The following TRIP10 variants were observed in gnomAD, a reference collection of about 807,000 sequenced individuals.
The protein encoded by TRIP10 is cdc42-interacting protein 4.
TRIP10 carries 54 observed loss-of-function variants against 80.9 expected under a neutral mutation model. That is an observed-to-expected ratio of 0.67 (90% CI 0.54 to 0.84). TRIP10 has a LOEUF of 0.84. Among genes scored for constraint, TRIP10 ranks in the 40% least tolerant of loss-of-function variants. TRIP10 has a pLI of 0.00. For missense variants in TRIP10, 773 were observed against 815.3 expected (o/e 0.95, Z 0.63); for synonymous variants, 321 against 307.2 (o/e 1.04, Z -0.47).
intron 3 of TRIP10, 97 bp downstream of exon 3, chr19:6,741,378 C>T: frequency 7.3e-7 from 1 of 1,376,984 alleles, no homozygotes; most frequent in Admixed American, 2.0e-5. Context: ...CACCGCTCCT[C>T]TCACTTCCCC....
In TRIP10 at chr19:6,744,890, G is replaced by A; in HGVS notation, c.880G>A (p.Ala294Thr). 1 of 1,614,238 alleles carries A rather than the reference G, an allele frequency of 6.2e-7. No homozygotes were observed. The highest frequency in any genetic ancestry group is 1.1e-5 in the South Asian group (1 of 91,090). ...FEDFSQPMNR[A>T]PSDSSLGTPS... ...GGACTTCAGCCAGCCCATGAACCGTGCACCCTCCGACAGCAGTCTGGGCAC... is the reference window on the plus strand; with the variant it reads ...GGACTTCAGCCAGCCCATGAACCGTACACCCTCCGACAGCAGTCTGGGCAC... Residue 294 changes from alanine (A) to threonine (T), a missense_variant, in exon 9 of 15, where the codon GCA becomes ACA. Physicochemically the swap from Ala to Thr is moderately conservative, Grantham distance 58. Coordinates refer to ENST00000313244, the MANE Select transcript of TRIP10 (RefSeq NM_001288962.2). The surrounding 1 kb of genome is among the most constrained non-coding windows in gnomAD (Gnocchi z 4.9).
chr19:6,743,615 C>CGGGGG lies in TRIP10; in HGVS notation c.513+23_513+27dup, dbSNP rs145584075. On this transcript the variant is annotated intron_variant, in intron 6 of 14. Coordinates refer to ENST00000313244, the MANE Select transcript of TRIP10 (RefSeq NM_001288962.2). ...GTGGAGAAGGTGTGTGTGGCGGGGG[C>CGGGGG]GGGGGGGGGGTGCGGGGTCTGGGAC... 262 of 771,356 alleles carry CGGGGG rather than the reference C, an allele frequency of 3.4e-4. No homozygotes were observed. The highest frequency in any genetic ancestry group is 1.5e-3 in the Admixed American group (46 of 31,044). The allele number at this position is 771,356 out of a possible 1,614,324, so 47.8% of individuals were successfully genotyped here.
Position 6,744,013 on chromosome 19 carries a change from C to G in TRIP10, c.642+177C>G. ...TCAGCTGTTCTTCCTGCTGGGCATG[C>G]CTTTTACTTGTTTGTTTATTTACTT... On this transcript the variant is annotated intron_variant, in intron 7 of 14. Transcript: ENST00000313244. This position sits in a 1 kb window ranked among gnomAD's most constrained non-coding sequence, Gnocchi z 4.9. 2.3e-6 allele frequency: 2 copies of G among 866,686 alleles called. No individual in the cohort carries two copies. The highest frequency in any genetic ancestry group is 1.8e-5 in the South Asian group (1 of 57,120). 53.7% of individuals were successfully genotyped at this position (866,686 alleles called of 1,614,324 possible).
Position 6,745,117 on chromosome 19 carries a change from C to CT in TRIP10, c.984+124dup. 2 of 1,329,782 alleles carry CT rather than the reference C, an allele frequency of 1.5e-6. No individual in the cohort carries two copies. Among genetic ancestry groups the CT allele is most frequent in the Non-Finnish European group, 2.0e-6 (2 of 1,004,730 alleles). The allele number at this position is 1,329,782 out of a possible 1,614,324, so 82.4% of individuals were successfully genotyped here. On this transcript the variant is annotated intron_variant, in intron 9 of 14. Coordinates refer to ENST00000313244, the MANE Select transcript of TRIP10 (RefSeq NM_001288962.2). The surrounding 1 kb of genome is among the most constrained non-coding windows in gnomAD (Gnocchi z 7.2). ...TCTCGGGCAGGAATTTTCCTCTTGG[C>CT]TGCCAGCCCGGACTGGAGGGAAGGA... is the stretch of plus-strand genomic sequence containing the variant.
chr19:6,750,186 A>G (rs1393699565), intron 12 of TRIP10, 106 bp from the exon 13 acceptor site: 5 of 1,573,064 alleles, frequency 3.2e-6, no homozygotes, highest in East Asian at 4.5e-5. Flanking sequence ...GCTGTTTTCC[A>G]TCACAGCCTT....
chr19:6,751,364 TCA>T lies in TRIP10; in HGVS notation c.*157_*158del. On this transcript the variant is annotated 3_prime_UTR_variant, in exon 15 of 15. Transcript: ENST00000313244. ...TCCACCCCCAACCCAGTCCTACCTG[TCA>T]CACCGGACGGACCCGCTGTGCCTTC... 12 of 1,445,852 alleles carry T rather than the reference TCA, an allele frequency of 8.3e-6. No homozygotes were observed. Among genetic ancestry groups the T allele is most frequent in the Non-Finnish European group, 1.1e-5 (12 of 1,090,842 alleles). 89.6% of individuals were successfully genotyped at this position (1,445,852 alleles called of 1,614,324 possible). A position where few individuals can be genotyped will look rare whatever the true frequency, so the allele number is the denominator to read the frequency against.
At chr19:6,741,177 C>T (rs1474504456) in intron 2 of TRIP10, 48 bp from the exon 3 acceptor site, 1 of 1,613,204 alleles carries the variant, frequency 6.2e-7, no homozygotes, top group Non-Finnish European at 8.5e-7. Context: ...CGACGGGGAG[C>T]GGTGGGAGGG....
At position 6,751,237 on chromosome 19, in the gene TRIP10, G is replaced by T; in HGVS notation, c.*26G>T. On this transcript the variant is annotated 3_prime_UTR_variant, in exon 15 of 15. Coordinates refer to ENST00000313244, the MANE Select transcript of TRIP10 (RefSeq NM_001288962.2). The stretch of plus-strand genomic sequence containing the variant: ...ACCCTGCCAGAGACGGGAAGAGGGG[G>T]GCTGTCGGCTGCTGCTTCTGGGCCA... 6.2e-7 allele frequency: 1 copy of T among 1,613,450 alleles called. No individual in the cohort carries two copies. The highest frequency in any genetic ancestry group is 8.5e-7 in the Non-Finnish European group (1 of 1,179,868).
At chr19:6,748,434 T>C (rs924665594) in intron 11 of TRIP10, 2 of 152,228 alleles carry the variant, frequency 1.3e-5, no homozygotes, top group African/African-American at 2.4e-5. Context: ...TCTCAGGACT[T>C]GGGCAGCCTG....
chr19:6,739,719 G>T lies in TRIP10; in HGVS notation c.-43G>T. 7.8e-7 allele frequency: 1 copy of T among 1,280,534 alleles called. No homozygotes were observed. The highest frequency in any genetic ancestry group is 9.9e-7 in the Non-Finnish European group (1 of 1,005,424). 79.3% of individuals were successfully genotyped at this position (1,280,534 alleles called of 1,614,324 possible). A position where few individuals can be genotyped will look rare whatever the true frequency, so the allele number is the denominator to read the frequency against. On this transcript the variant is annotated 5_prime_UTR_variant, in exon 1 of 15. Transcript: ENST00000313244. ...AGGGCGGCGGGCGGCGGGCGGCGGGGACCGGGTGCGGTGGTGGCTGCGGCG... is the reference window on the plus strand; with the variant it reads ...AGGGCGGCGGGCGGCGGGCGGCGGGTACCGGGTGCGGTGGTGGCTGCGGCG...
intron 11 of TRIP10, among the ~76,000 whole-genome samples, chr19:6,748,123 C>T (rs968054762): frequency 1.3e-4 from 19 of 151,952 alleles, no homozygotes; most frequent in African/African-American, 4.6e-4. Context: ...TATTTAATAG[C>T]TCAAACACTT....
At chr19:6,747,432 A>C (rs868686664) in intron 11 of TRIP10, among the ~76,000 whole-genome samples, 4 of 152,240 alleles carry the variant, frequency 2.6e-5, no homozygotes, top group African/African-American at 9.6e-5. Context: ...CCTGATTCCC[A>C]AATCTGTGGC....
intron 3 of TRIP10, 33 bp from the exon 4 acceptor site, chr19:6,742,934 A>C: frequency 6.2e-7 from 1 of 1,610,164 alleles, no homozygotes; most frequent in Non-Finnish European, 8.5e-7. Context: ...GAGGGGCCTG[A>C]CTCCCTGTTC....
At position 6,750,387 on chromosome 19, in the gene TRIP10, G is replaced by A. The variant is rs577632375; in HGVS notation, c.1491G>A (p.Pro497=). The A allele has an allele frequency of 2.2e-5, 36 of 1,614,106 alleles. No homozygotes were observed. Among genetic ancestry groups the A allele is most frequent in the South Asian group, 1.8e-4 (16 of 91,064 alleles). Residue 497 remains proline (P), a synonymous_variant, in exon 13 of 15, where the codon CCG becomes CCA. Transcript: ENST00000313244. ...CTCCCGACCCCCCCGCTAGCGCCCCGCCAGACAGCAGCAGCAACAGCGCAT... is the reference window on the plus strand; with the variant it reads ...CTCCCGACCCCCCCGCTAGCGCCCCACCAGACAGCAGCAGCAACAGCGCAT... ...ARPPDPPASA[P]PDSSSNSASQ...
chr19:6,742,103 A>G (rs1262193485), intron 3 of TRIP10, among the ~76,000 whole-genome samples: 2 of 151,272 alleles, frequency 1.3e-5, no homozygotes, highest in East Asian at 3.9e-4. Flanking sequence ...ATTAAAAAAA[A>G]AAATAGGGTT....
Position 6,745,948 on chromosome 19 carries a change from G to A in TRIP10, c.985-81G>A, listed in dbSNP as rs1339117740. The stretch of plus-strand genomic sequence containing the variant: ...CGTCCATCCGTGCGTCCATCCCTCC[G>A]TCCATTCGTCCTCACTCTCTACATC... On this transcript the variant is annotated intron_variant, in intron 9 of 14. Coordinates refer to ENST00000313244, the MANE Select transcript of TRIP10 (RefSeq NM_001288962.2). The surrounding 1 kb of genome is among the most constrained non-coding windows in gnomAD (Gnocchi z 7.2). 1.9e-5 allele frequency: 23 copies of A among 1,209,852 alleles called. No homozygotes were observed. The East Asian group carries it at 2.2e-4, about 12-fold the overall frequency. 74.9% of individuals were successfully genotyped at this position (1,209,852 alleles called of 1,614,324 possible). A position where few individuals can be genotyped will look rare whatever the true frequency, so the allele number is the denominator to read the frequency against.
chr19:6,740,850 C>T, intron 1 of TRIP10, 160 bp from the exon 2 acceptor site: 1 of 615,178 alleles, frequency 1.6e-6, no homozygotes, highest in Non-Finnish European at 2.8e-6. Context: ...CCGCCAGTTT[C>T]CTGCCTCCCC....
intron 11 of TRIP10, among the ~76,000 whole-genome samples, chr19:6,747,144 T>C (rs960614577): frequency 5.3e-5 from 8 of 151,984 alleles, no homozygotes; most frequent in African/African-American, 1.7e-4. Flanking sequence ...GGCAACAGAG[T>C]GAGACCCCAT....
At chr19:6,748,778 G>A (rs963164818) in intron 11 of TRIP10, 2 of 152,184 alleles carry the variant, frequency 1.3e-5, no homozygotes, top group East Asian at 3.8e-4. Flanking sequence ...GGGCGACAGA[G>A]TGAGACTGTG....
Sources: gnomAD v4.1 joint callset for allele counts (sites outside exome capture counted in the v4.1 genomes callset) on GRCh38, gnomAD v4.1.1 for gene constraint, Gnocchi (gnomAD v3.1) non-coding constraint, MANE v1.5 for transcripts, NCBI Gene and HGNC (gene_info 2026-07-23, HGNC 2026-07-21) for gene names.